The following GRIN2B variants were observed in gnomAD, a reference collection of about 807,000 sequenced individuals.
GRIN2B encodes the protein glutamate ionotropic receptor NMDA type subunit 2B, also known as glutamate receptor ionotropic, NMDA 2B.
In GRIN2B, 5 loss-of-function variants were observed where a neutral mutation model predicts 114.5. The ratio of observed to expected loss-of-function variants is 0.04; its 90% CI spans 0.02 to 0.09. The LOEUF is 0.09. GRIN2B is among the 10% of genes least tolerant of loss of function. GRIN2B has a pLI of 1.00. For missense variants in GRIN2B, 1,108 were observed against 1,943.5 expected (o/e 0.57, Z 8.08); for synonymous variants, 787 against 745.1 (o/e 1.06, Z -0.92).
Position 13,608,729 on chromosome 12 carries a change from G to A in GRIN2B, c.1884C>T (p.Ser628=). 1 of 1,614,092 alleles carries A rather than the reference G, an allele frequency of 6.2e-7. No individual in the cohort carries two copies. The highest frequency in any genetic ancestry group is 8.5e-7 in the Non-Finnish European group (1 of 1,179,938). Residue 628 remains serine, a synonymous_variant, in exon 10 of 14, where the codon TCC becomes TCT. Transcript: ENST00000609686. ...AGGCCCACACTGACACCATGATCTT[G>A]GAGGTGGTCCCCTTTGGGTTCTGCA... ...VPVQNPKGTT[S]KIMVSVWAFF... is the part of the protein sequence containing the mutation.
intron 3 of GRIN2B, among the ~76,000 whole-genome samples, chr12:13,831,261 A>C (rs1215688391): frequency 6.6e-6 from 1 of 152,184 alleles, no homozygotes; most frequent in Non-Finnish European, 1.5e-5. Flanking sequence ...TTCTTTATAA[A>C]TTACTTAGCC....
chr12:13,724,410 T>C (rs891412100), intron 4 of GRIN2B, among the ~76,000 whole-genome samples: 1 of 152,138 alleles, frequency 6.6e-6, no homozygotes, highest in East Asian at 1.9e-4. Context: ...AGAGAATTTA[T>C]TGGCACAGCA....
At chr12:13,610,205 G>A (rs1045973269) in intron 9 of GRIN2B, among the ~76,000 whole-genome samples, 6 of 152,262 alleles carry the variant, frequency 3.9e-5, no homozygotes, top group African/African-American at 4.8e-5. Flanking sequence ...TAACTAAAAC[G>A]TTGTTTATAA....
intron 5 of GRIN2B, among the ~76,000 whole-genome samples, chr12:13,671,721 C>A (rs764831016): frequency 7.9e-5 from 12 of 152,120 alleles, no homozygotes; most frequent in Non-Finnish European, 1.8e-4. Flanking sequence ...AGTGAAATAG[C>A]TTGTCAATAT....
intron 5 of GRIN2B, among the ~76,000 whole-genome samples, chr12:13,659,498 A>G (rs926184650): frequency 2.6e-5 from 4 of 152,134 alleles, no homozygotes; most frequent in African/African-American, 9.7e-5. Context: ...TCCCACTCAC[A>G]AACATTTCAT....
chr12:13,601,518 A>ATT (rs199904898), intron 10 of GRIN2B, among the ~76,000 whole-genome samples: 12 of 145,076 alleles, frequency 8.3e-5, no homozygotes, highest in East Asian at 4.0e-4. Flanking sequence ...ATTTGCAAAG[A>ATT]TTTTTTTTTT....
At chr12:13,966,207 C>A (rs1370644349) in intron 2 of GRIN2B, among the ~76,000 whole-genome samples, 1 of 152,102 alleles carries the variant, frequency 6.6e-6, no homozygotes, top group African/African-American at 2.4e-5. Flanking sequence ...CTGGTGAGTT[C>A]TTGGGAAGAC....
intron 2 of GRIN2B, among the ~76,000 whole-genome samples, chr12:13,901,274 C>T (rs1437781846): frequency 6.6e-6 from 1 of 152,124 alleles, no homozygotes; most frequent in East Asian, 1.9e-4. Flanking sequence ...GCCACTTAGA[C>T]ATCTTCTTCT....
Position 13,563,196 on chromosome 12 carries a change from T to C in GRIN2B, c.4042A>G (p.Thr1348Ala), listed in dbSNP as rs1215403058. The C allele has an allele frequency of 1.2e-6, 2 of 1,614,160 alleles. No homozygotes were observed. Among genetic ancestry groups the C allele is most frequent in the Non-Finnish European group, 1.7e-6 (2 of 1,180,032 alleles). ...ACTGAGGACTTGTTGTTGGCAAAGG[T>C]GCTCTCGCCAGCTGACATCTCAAAC... is the stretch of plus-strand genomic sequence containing the variant. The part of the protein sequence containing the change: ...HMFEMSAGES[T>A]FANNKSSVPT... The change falls in exon 14 of 14, where the codon ACC becomes GCC. Residue 1348 changes from threonine to alanine, a missense_variant. By Grantham distance (58) the Thr-to-Ala change is moderately conservative (BLOSUM62 0). Coordinates refer to ENST00000609686, the MANE Select transcript of GRIN2B (RefSeq NM_000834.5).
At chr12:13,694,073 A>T (rs1025139458) in intron 4 of GRIN2B, among the ~76,000 whole-genome samples, 1 of 152,072 alleles carries the variant, frequency 6.6e-6, no homozygotes, top group South Asian at 2.1e-4. Context: ...AAGGTGCAAT[A>T]AACAGCCAAA....
At chr12:13,600,890 T>C (rs1591632817) in intron 10 of GRIN2B, among the ~76,000 whole-genome samples, 2 of 152,162 alleles carry the variant, frequency 1.3e-5, no homozygotes, top group African/African-American at 4.8e-5. Flanking sequence ...CACTCAGGTT[T>C]TGTATTGTCT....
intron 2 of GRIN2B, among the ~76,000 whole-genome samples, chr12:13,955,989 G>T (rs1057439192): frequency 6.6e-6 from 1 of 152,194 alleles, no homozygotes; most frequent in Non-Finnish European, 1.5e-5. Context: ...ACGTAAGAAT[G>T]CAGGAGAGAA....
Position 13,563,631 on chromosome 12 carries a change from T to C in GRIN2B, c.3607A>G (p.Asn1203Asp), listed in dbSNP as rs1427382193. ...CCGGACCGGTCCTCCCACTCCACGT[T>C]GGTCAGGTTCTTCTCCCAAGGTGCA... ...VPAPWEKNLTNVEWEDRSGGN... is the reference protein window; with the variant it reads ...VPAPWEKNLTDVEWEDRSGGN... Residue 1203 changes from asparagine to aspartate, a missense_variant, in exon 14 of 14, where the codon AAC becomes GAC. This residue lies in a region of GRIN2B where 478 missense variants were observed against 506.0 expected (regional missense o/e 0.94). Transcript: ENST00000609686. 1 of 1,613,960 alleles carries C rather than the reference T, an allele frequency of 6.2e-7. No individual in the cohort carries two copies. Among genetic ancestry groups the C allele is most frequent in the Admixed American group, 1.7e-5 (1 of 60,028 alleles).
chr12:13,806,038 T>C (rs1864593893), intron 3 of GRIN2B, among the ~76,000 whole-genome samples: 1 of 152,192 alleles, frequency 6.6e-6, no homozygotes, highest in South Asian at 2.1e-4. Flanking sequence ...GATTCATCCA[T>C]GTTATTGTAA....
chr12:13,896,980 A>G (rs1866365267), intron 2 of GRIN2B, among the ~76,000 whole-genome samples: 1 of 152,178 alleles, frequency 6.6e-6, no homozygotes, highest in African/African-American at 2.4e-5. Flanking sequence ...AGATGCCTGG[A>G]ACATCTGCCC....
chr12:13,927,032 C>CA (rs1866931067), intron 2 of GRIN2B, among the ~76,000 whole-genome samples: 1 of 151,160 alleles, frequency 6.6e-6, no homozygotes, highest in Non-Finnish European at 1.5e-5. Flanking sequence ...ATTCAGGAAC[C>CA]AGGATACATG....
At chr12:13,850,535 C>T (rs535578163) in intron 3 of GRIN2B, among the ~76,000 whole-genome samples, 1 of 152,150 alleles carries the variant, frequency 6.6e-6, no homozygotes, top group Non-Finnish European at 1.5e-5. Context: ...GTTTTGCCCA[C>T]CCTACATCCT....
At chr12:13,918,810 C>T (rs147457951) in intron 2 of GRIN2B, among the ~76,000 whole-genome samples, 22 of 152,254 alleles carry the variant, frequency 1.4e-4, no homozygotes, top group African/African-American at 4.6e-4. Context: ...TTTATCAAAA[C>T]AAAGCTGAAA....
intron 4 of GRIN2B, among the ~76,000 whole-genome samples, chr12:13,740,008 G>C (rs892494552): frequency 6.6e-6 from 1 of 152,128 alleles, no homozygotes; most frequent in African/African-American, 2.4e-5. Context: ...GAAGTTTTGA[G>C]TTTGCAGGTG....
Sources: gnomAD v4.1 joint callset for allele counts (sites outside exome capture counted in the v4.1 genomes callset) on GRCh38, gnomAD v4.1.1 for gene constraint, gnomAD v4.1.1 regional missense constraint, MANE v1.5 for transcripts, NCBI Gene and HGNC (gene_info 2026-07-23, HGNC 2026-07-21) for gene names.